The following RELN variants were observed in gnomAD, a reference collection of about 807,000 sequenced individuals.
The protein encoded by RELN is reelin.
A neutral mutation model predicts 427.6 loss-of-function variants in RELN; 108 were observed. That is an observed-to-expected ratio of 0.25 (90% CI 0.22 to 0.30). The LOEUF is 0.30. Among genes scored for constraint, RELN ranks in the 10% least tolerant of loss-of-function variants. The pLI is 1.00. For synonymous variants in RELN, 1,524 were observed against 1,513.4 expected (o/e 1.01, Z -0.16); for missense variants, 3,715 against 4,302.8 (o/e 0.86, Z 3.82).
chr7:103,764,467 T>TATA (rs1252690404), intron 4 of RELN, among the ~76,000 whole-genome samples: 3 of 152,114 alleles, frequency 2.0e-5, no homozygotes, highest in Non-Finnish European at 4.4e-5. Context: ...TGACTCTTTG[T>TATA]ATAAGCACCA....
At chr7:103,789,211 A>G (rs1211048114) in intron 3 of RELN, among the ~76,000 whole-genome samples, 1 of 152,234 alleles carries the variant, frequency 6.6e-6, no homozygotes, top group Non-Finnish European at 1.5e-5. Context: ...AAAGATTTTA[A>G]CGCAAGACCT....
intron 3 of RELN, among the ~76,000 whole-genome samples, chr7:103,777,883 T>TCACACACACACACACACACACACA (rs201873652): frequency 5.6e-5 from 8 of 143,974 alleles, no homozygotes; most frequent in South Asian, 2.3e-4. Context: ...TGTTATACCT[T>TCACACACACACACACACACACACA]CACACACACA....
intron 43 of RELN, 97 bp from the exon 44 acceptor site, chr7:103,540,552 G>T: frequency 8.9e-7 from 1 of 1,121,928 alleles, no homozygotes; most frequent in Non-Finnish European, 1.3e-6. Flanking sequence ...GGGAACGAAA[G>T]GCCTCAATAA....
At chr7:103,473,069 G>T in intron 64 of RELN, 161 bp from the exon 65 acceptor site, 1 of 739,180 alleles carries the variant, frequency 1.4e-6, no homozygotes, top group Non-Finnish European at 2.5e-6. Context: ...CCCAGGGTCA[G>T]AGGAACTAAA....
chr7:103,722,135 A>G (rs374786446), intron 8 of RELN, among the ~76,000 whole-genome samples: 29 of 152,164 alleles, frequency 1.9e-4, no homozygotes, highest in African/African-American at 6.5e-4. Flanking sequence ...CCAAAATGTA[A>G]TCAGGTGACT....
chr7:103,593,633 G>T, intron 27 of RELN, 49 bp downstream of exon 27: 1 of 1,478,548 alleles, frequency 6.8e-7, no homozygotes, highest in Non-Finnish European at 9.5e-7. Context: ...ACATCTGGAA[G>T]ATATTTTACT....
At chr7:103,938,740 G>C (rs1165662982) in intron 1 of RELN, among the ~76,000 whole-genome samples, 1 of 152,182 alleles carries the variant, frequency 6.6e-6, no homozygotes, top group Non-Finnish European at 1.5e-5. Context: ...TCATCTGTGA[G>C]GAAACAATGT....
At chr7:103,896,215 G>A (rs1397705286) in intron 2 of RELN, among the ~76,000 whole-genome samples, 1 of 152,072 alleles carries the variant, frequency 6.6e-6, no homozygotes, top group Non-Finnish European at 1.5e-5. Flanking sequence ...CAACTCTAAT[G>A]CTATGTTGGT....
intron 2 of RELN, among the ~76,000 whole-genome samples, chr7:103,870,544 G>A (rs1794306277): frequency 6.6e-6 from 1 of 152,020 alleles, no homozygotes; most frequent in African/African-American, 2.4e-5. Context: ...TCTCTATCAA[G>A]TACTGGTAAT....
At chr7:103,521,931 T>G in intron 48 of RELN, 91 bp downstream of exon 48, 1 of 1,325,130 alleles carries the variant, frequency 7.5e-7, no homozygotes, top group East Asian at 2.3e-5. Context: ...ACCCTGCATC[T>G]TGATTTGCCC....
intron 2 of RELN, among the ~76,000 whole-genome samples, chr7:103,838,224 A>G (rs1018721797): frequency 3.3e-5 from 5 of 151,310 alleles, no homozygotes; most frequent in African/African-American, 1.2e-4. Context: ...AAAAAAAAAA[A>G]AAAAAAAAAA....
intron 41 of RELN, 80 bp downstream of exon 41, chr7:103,550,987 T>A (rs560556896): frequency 8.5e-6 from 10 of 1,170,942 alleles, no homozygotes; most frequent in Non-Finnish European, 1.2e-5. Context: ...TTCCCCATGA[T>A]AAAGTGGCAA....
chr7:103,724,192 GT>G (rs764205678), intron 7 of RELN, among the ~76,000 whole-genome samples: 2 of 150,770 alleles, frequency 1.3e-5, no homozygotes, highest in South Asian at 2.1e-4. Context: ...TCGTTGTTTT[GT>G]TTTTTTTGAG....
chr7:103,989,552 T>G lies in RELN; in HGVS notation c.-196A>C. 1 of 443,256 alleles carries G rather than the reference T, an allele frequency of 2.3e-6. No homozygotes were observed. The highest frequency in any genetic ancestry group is 3.7e-6 in the Non-Finnish European group (1 of 270,278). 27.5% of individuals were successfully genotyped at this position (443,256 alleles called of 1,614,324 possible). A position where few individuals can be genotyped will look rare whatever the true frequency, so the allele number is the denominator to read the frequency against. On this transcript the variant is annotated 5_prime_UTR_variant, in exon 1 of 65. Coordinates refer to ENST00000428762, the MANE Select transcript of RELN (RefSeq NM_005045.4). The surrounding 1 kb of genome is among the most constrained non-coding windows in gnomAD (Gnocchi z 4.9). ...GGAGACGGCGGCTCCCAAAGTTACT[T>G]TGGGCCGCGGGAGCGCGGGACCGGG...
chr7:103,581,551 T>G (rs920472732), intron 28 of RELN, among the ~76,000 whole-genome samples: 1 of 152,104 alleles, frequency 6.6e-6, no homozygotes, highest in African/African-American at 2.4e-5. Context: ...GTGGAAGAGA[T>G]GTGAATTACT....
intron 16 of RELN, among the ~76,000 whole-genome samples, chr7:103,642,291 AT>A (rs1832709321): frequency 6.9e-6 from 1 of 145,782 alleles, no homozygotes; most frequent in African/African-American, 2.5e-5. Flanking sequence ...GTTTTTCTCT[AT>A]TTTTTTCTGT....
Position 103,563,992 on chromosome 7 carries a change from GC to G in RELN, c.5210+1285del. 6.6e-6 allele frequency among the ~76,000 whole-genome samples: 1 copy of G among 152,288 alleles called. No homozygotes were observed. Among genetic ancestry groups the G allele is most frequent in the Middle Eastern group, 3.4e-3 (1 of 294 alleles). ...ATGATGTTCACACAACAATGGAATT[GC>G]CTAACGATGCATTTCTCAGATGTAT... On this transcript the variant is annotated intron_variant, in intron 34 of 64. Coordinates refer to ENST00000428762, the MANE Select transcript of RELN (RefSeq NM_005045.4). This position sits in a 1 kb window ranked among gnomAD's most constrained non-coding sequence, Gnocchi z 4.1.
intron 2 of RELN, among the ~76,000 whole-genome samples, chr7:103,839,914 G>C (rs1245390399): frequency 6.6e-6 from 1 of 152,142 alleles, no homozygotes; most frequent in Non-Finnish European, 1.5e-5. Context: ...AACCTGGTGG[G>C]AGGTGACTGT....
At chr7:103,947,063 G>T (rs896179865) in intron 1 of RELN, among the ~76,000 whole-genome samples, 1 of 152,118 alleles carries the variant, frequency 6.6e-6, no homozygotes, top group African/African-American at 2.4e-5. Context: ...CACCCATTCC[G>T]AGTCCTCTCA....
Sources: allele counts gnomAD v4.1 joint callset (sites outside exome capture counted in the v4.1 genomes callset), GRCh38; gene constraint gnomAD v4.1.1; non-coding constraint Gnocchi (gnomAD v3.1); transcripts MANE v1.5; gene names NCBI Gene and HGNC (gene_info 2026-07-23, HGNC 2026-07-21).